Variants in SYK observed in about 807,000 individuals in gnomAD.
SYK encodes the protein spleen associated tyrosine kinase.
A neutral mutation model predicts 77.8 loss-of-function variants in SYK; 16 were observed. The ratio of observed to expected loss-of-function variants is 0.21; its 90% CI spans 0.14 to 0.31. The LOEUF (loss-of-function observed/expected upper bound fraction) is 0.31, where lower values mean the gene tolerates loss of function less well. Among genes scored for constraint, SYK ranks in the 10% least tolerant of loss-of-function variants. SYK has a pLI of 1.00. For missense variants in SYK, 529 were observed against 814.4 expected, an observed-to-expected ratio of 0.65 and a Z score of 4.26; for synonymous variants, 312 against 308.7, an observed-to-expected ratio of 1.01 and a Z score of -0.11.
At chr9:90,846,564 C>G (rs1034922991) in intron 3 of SYK, among the ~76,000 whole-genome samples, 1 of 152,172 alleles carries the variant, frequency 6.6e-6, no homozygotes, top group Non-Finnish European at 1.5e-5. Flanking sequence ...CCAGCTACTC[C>G]TGGCAGGAGG....
chr9:90,849,353 T>A (rs757401358), intron 3 of SYK, among the ~76,000 whole-genome samples: 5 of 152,222 alleles, frequency 3.3e-5, no homozygotes, highest in Non-Finnish European at 5.9e-5. Flanking sequence ...TGCTTTTACC[T>A]GGGTCCTGTA....
intron 3 of SYK, among the ~76,000 whole-genome samples, chr9:90,849,276 C>A (rs2118679774): frequency 6.6e-6 from 1 of 152,306 alleles, no homozygotes; most frequent in Admixed American, 6.5e-5. Flanking sequence ...TCAGGGCCTT[C>A]ACTTTCTCAT....
intron 1 of SYK, among the ~76,000 whole-genome samples, chr9:90,804,355 A>G (rs1824734158): frequency 6.6e-6 from 1 of 152,208 alleles, no homozygotes; most frequent in African/African-American, 2.4e-5. Flanking sequence ...AGGAGGGGTT[A>G]CTGTCACCCT....
chr9:90,857,135 G>C (rs1455120622), intron 3 of SYK, among the ~76,000 whole-genome samples: 2 of 152,230 alleles, frequency 1.3e-5, no homozygotes, highest in Non-Finnish European at 2.9e-5. Context: ...TGCGGCTTAG[G>C]AAAAACCTTT....
chr9:90,857,935 T>A lies in SYK; in HGVS notation c.579-4271T>A, dbSNP rs1587871953. 2.7e-5 allele frequency among the ~76,000 whole-genome samples: 3 copies of A among 110,748 alleles called. No individual in the cohort carries two copies. In the Admixed American group the frequency reaches 3.0e-4, roughly 11 times the overall value. The allele number at this position is 110,748 out of a possible 152,430, so 72.7% of individuals were successfully genotyped here. On this transcript the variant is annotated intron_variant, in intron 3 of 13. Transcript: ENST00000375754. ...CAACTGACCCGGTGATACTCTACTC[T>A]GCCATGGAAAAAAAATGGCAGGGGA...
intron 13 of SYK, among the ~76,000 whole-genome samples, chr9:90,894,497 A>G (rs1828906984): frequency 6.6e-6 from 1 of 152,214 alleles, no homozygotes; most frequent in East Asian, 1.9e-4. Context: ...TGTAGAAGCC[A>G]CTCTGCTCTT....
Position 90,844,220 on chromosome 9 carries a change from A to G in SYK, c.322A>G (p.Asn108Asp). Residue 108 changes from asparagine to aspartate, a missense_variant, in exon 2 of 14, where the codon AAC becomes GAC. Around this residue, in one of 2 missense-constraint regions of SYK, gnomAD observed 321 missense variants for 433.1 expected, o/e 0.74. Coordinates refer to ENST00000375754, the MANE Select transcript of SYK (RefSeq NM_003177.7). The part of the protein sequence containing the change: ...GLVCLLKKPF[N>D]RPQGVQPKTG... ...GGTCTGCCTCCTCAAGAAGCCCTTC[A>G]ACCGGCCCCAAGGGGTGCAGCCCAA... 6.2e-7 allele frequency: 1 copy of G among 1,614,212 alleles called. No homozygotes were observed. Among genetic ancestry groups the G allele is most frequent in the African/African-American group, 1.3e-5 (1 of 75,074 alleles).
At chr9:90,870,498 G>T (rs1217735668) in intron 7 of SYK, among the ~76,000 whole-genome samples, 1 of 152,164 alleles carries the variant, frequency 6.6e-6, no homozygotes, top group Non-Finnish European at 1.5e-5. Context: ...AGAGAAAAAA[G>T]AAAGAAACAT....
intron 9 of SYK, among the ~76,000 whole-genome samples, chr9:90,875,240 A>AAAT (rs1564113162): frequency 9.9e-5 from 15 of 151,098 alleles, no homozygotes; most frequent in African/African-American, 3.6e-4. Flanking sequence ...CTCTACAAAA[A>AAAT]AAATAAATAA....
chr9:90,811,212 A>C (rs1227994188), intron 1 of SYK, among the ~76,000 whole-genome samples: 1 of 152,200 alleles, frequency 6.6e-6, no homozygotes, highest in African/African-American at 2.4e-5. Flanking sequence ...ATATACAAAT[A>C]AGTGAAAAAA....
chr9:90,843,804 C>T (rs1363245013), intron 1 of SYK, 54 bp from the exon 2 acceptor site: 21 of 1,350,510 alleles, frequency 1.6e-5, no homozygotes, highest in East Asian at 2.7e-5. Flanking sequence ...TTTTAGCAAA[C>T]GTTCCCTGCC....
chr9:90,820,716 A>G (rs1016825379), intron 1 of SYK, among the ~76,000 whole-genome samples: 1 of 152,140 alleles, frequency 6.6e-6, no homozygotes, highest in African/African-American at 2.4e-5. Context: ...TGGCCTGGAG[A>G]CATCTTCCCC....
chr9:90,829,341 C>T lies in SYK; in HGVS notation c.-41-14517C>T, dbSNP rs376606658. Among the ~76,000 whole-genome samples the T allele has an allele frequency of 9.2e-5, 14 of 152,004 alleles. No homozygotes were observed. The East Asian group carries it at 1.7e-3, about 19-fold the overall frequency. On this transcript the variant is annotated intron_variant, in intron 1 of 13. Transcript: ENST00000375754. ...CTGTTTAAAATTTACCCTTCTTGTC[C>T]GTATGCCCTATTTGCTGGGTCTGAG...
At chr9:90,881,129 C>G (rs370457763) in intron 11 of SYK, among the ~76,000 whole-genome samples, 12 of 152,288 alleles carry the variant, frequency 7.9e-5, no homozygotes, top group African/African-American at 2.9e-4. Context: ...ATAGAACCAC[C>G]CTTTTGAGGA....
At chr9:90,835,142 CCGAG>C (rs1476235641) in intron 1 of SYK, among the ~76,000 whole-genome samples, 1 of 152,124 alleles carries the variant, frequency 6.6e-6, no homozygotes, top group African/African-American at 2.4e-5. Context: ...TTGAGTAACC[CCGAG>C]CTAATGTGAT....
intron 1 of SYK, among the ~76,000 whole-genome samples, chr9:90,815,854 A>C (rs762042136): frequency 2.6e-5 from 4 of 152,178 alleles, no homozygotes; most frequent in Non-Finnish European, 5.9e-5. Context: ...ATCAGTTTTG[A>C]ACCCCAGAAC....
chr9:90,879,376 T>A (rs547342060), intron 11 of SYK, among the ~76,000 whole-genome samples: 1 of 152,356 alleles, frequency 6.6e-6, no homozygotes, highest in South Asian at 2.1e-4. Flanking sequence ...TCAAACCAGA[T>A]TCATCCATGG....
chr9:90,866,727 T>C (rs962393523), intron 6 of SYK, among the ~76,000 whole-genome samples: 1 of 152,204 alleles, frequency 6.6e-6, no homozygotes, highest in Admixed American at 6.5e-5. Context: ...TACAACTCAA[T>C]TAATTTCCAC....
At chr9:90,860,631 G>A (rs1020841372) in intron 3 of SYK, among the ~76,000 whole-genome samples, 15 of 152,166 alleles carry the variant, frequency 9.9e-5, no homozygotes, top group African/African-American at 3.6e-4. Context: ...TATGTGTCCT[G>A]TACCCTGGCC....
Sources: gnomAD v4.1 joint callset for allele counts (sites outside exome capture counted in the v4.1 genomes callset) on GRCh38, gnomAD v4.1.1 for gene constraint, gnomAD v4.1.1 regional missense constraint, MANE v1.5 for transcripts, NCBI Gene and HGNC (gene_info 2026-07-23, HGNC 2026-07-21) for gene names.